Variants in DCLK1 observed in about 807,000 individuals in gnomAD.
DCLK1 encodes the protein serine/threonine-protein kinase DCLK1.
In DCLK1, 16 loss-of-function variants were observed where a neutral mutation model predicts 86.2. The ratio of observed to expected loss-of-function variants is 0.19; its 90% confidence interval spans 0.13 to 0.28. The LOEUF (loss-of-function observed/expected upper bound fraction) is 0.28. Among genes scored for constraint, DCLK1 ranks in the 10% least tolerant of loss-of-function variants. The probability of loss-of-function intolerance (pLI) is 1.00; values close to 1 mark genes in which losing one functional copy is unlikely to be tolerated. For synonymous variants in DCLK1, 369 were observed against 370.5 expected (o/e 1.00, Z 0.05); for missense variants, 590 against 940.2 (o/e 0.63, Z 4.87).
chr13:36,067,779 G>GGTA (rs1172108672), intron 3 of DCLK1, among the ~76,000 whole-genome samples: 1 of 152,032 alleles, frequency 6.6e-6, no homozygotes. Context: ...GCTTCTTGGA[G>GGTA]GTATTCCCTT....
intron 5 of DCLK1, chr13:35,869,193 T>C (rs1387612583): frequency 4.2e-6 from 2 of 473,664 alleles, no homozygotes; most frequent in Non-Finnish European, 4.2e-6. Flanking sequence ...ACAAGCTCAG[T>C]TCTTCCAGGG....
At chr13:35,914,377 A>ATATATATATATATG (rs1875280611) in intron 4 of DCLK1, among the ~76,000 whole-genome samples, 9 of 111,652 alleles carry the variant, frequency 8.1e-5, no homozygotes, top group South Asian at 2.9e-4. Context: ...ATGTATATAT[A>ATATATATATATATG]TATATATATA....
intron 11 of DCLK1, 143 bp from the exon 12 acceptor site, chr13:35,811,111 T>C: frequency 1.0e-6 from 1 of 978,920 alleles, no homozygotes; most frequent in East Asian, 2.6e-5. Flanking sequence ...TGGATATACA[T>C]ACAAAATAGC....
rs117890698 is a variant in DCLK1 at position 36,028,861 on chromosome 13, A to G, written c.724-81404T>C. Among the ~76,000 whole-genome samples, 27 of 152,360 alleles carry G rather than the reference A, an allele frequency of 1.8e-4. No homozygotes were observed. In the East Asian group the frequency reaches 3.9e-3, roughly 22 times the overall value. Reference sequence around the variant, plus strand: ...GTTAAGAGAAAATTCCATCAGTGCCATGACATTTTATAGATGACATGGCAT... The same window carrying G: ...GTTAAGAGAAAATTCCATCAGTGCCGTGACATTTTATAGATGACATGGCAT... On this transcript the variant is annotated intron_variant, in intron 3 of 16. Coordinates refer to ENST00000360631, the MANE Select transcript of DCLK1 (RefSeq NM_001330071.2).
At chr13:36,033,229 T>C (rs941351601) in intron 3 of DCLK1, among the ~76,000 whole-genome samples, 1 of 152,236 alleles carries the variant, frequency 6.6e-6, no homozygotes, top group Non-Finnish European at 1.5e-5. Context: ...AGTTTCACAT[T>C]AAGTCAGATA....
chr13:36,047,534 G>A (rs1236299799), intron 3 of DCLK1, among the ~76,000 whole-genome samples: 1 of 152,280 alleles, frequency 6.6e-6, no homozygotes, highest in East Asian at 1.9e-4. Flanking sequence ...CCTGTCATTA[G>A]CAACAACATG....
intron 3 of DCLK1, among the ~76,000 whole-genome samples, chr13:35,966,263 C>A (rs77365618): frequency 1.8e-4 from 27 of 152,130 alleles, no homozygotes; most frequent in Non-Finnish European, 3.1e-4. Context: ...AATTCCCATA[C>A]AATCCAGCAA....
intron 8 of DCLK1, among the ~76,000 whole-genome samples, chr13:35,833,736 A>G (rs1356219830): frequency 6.6e-6 from 1 of 152,220 alleles, no homozygotes; most frequent in Non-Finnish European, 1.5e-5. Flanking sequence ...AATGTGTGCC[A>G]TTCACAACAT....
At chr13:35,993,888 T>G (rs1880358438) in intron 3 of DCLK1, among the ~76,000 whole-genome samples, 1 of 152,080 alleles carries the variant, frequency 6.6e-6, no homozygotes, top group African/African-American at 2.4e-5. Context: ...GCTCCCATAT[T>G]TCATTTCCTC....
At chr13:36,019,219 A>T in intron 3 of DCLK1, among the ~76,000 whole-genome samples, 1 of 152,162 alleles carries the variant, frequency 6.6e-6, no homozygotes, top group East Asian at 1.9e-4. Flanking sequence ...TTTAGTTATT[A>T]TAGAAACTGA....
chr13:36,120,413 G>A (rs1885944891), intron 2 of DCLK1, among the ~76,000 whole-genome samples: 1 of 152,046 alleles, frequency 6.6e-6, no homozygotes, highest in Non-Finnish European at 1.5e-5. Context: ...TGTTATAATT[G>A]TCTACAGTAT....
At chr13:35,963,476 G>C (rs1338661834) in intron 3 of DCLK1, among the ~76,000 whole-genome samples, 1 of 152,146 alleles carries the variant, frequency 6.6e-6, no homozygotes, top group East Asian at 1.9e-4. Context: ...ATCAAGAATT[G>C]GCTTATGCTG....
intron 6 of DCLK1, chr13:35,847,622 AAAAAG>A: frequency 1.2e-6 from 1 of 861,032 alleles, no homozygotes; most frequent in Non-Finnish European, 1.3e-6. Context: ...TTTAAGCAAA[AAAAAG>A]AAAGAAAGAA....
intron 10 of DCLK1, among the ~76,000 whole-genome samples, chr13:35,826,696 C>A: frequency 6.6e-6 from 1 of 151,996 alleles, no homozygotes. Flanking sequence ...CTAGAATGAA[C>A]ATTTTTCATA....
chr13:36,120,024 T>C (rs746740910), intron 2 of DCLK1, among the ~76,000 whole-genome samples: 15 of 152,272 alleles, frequency 9.9e-5, no homozygotes, highest in African/African-American at 3.6e-4. Context: ...GTTAAAGAAA[T>C]GAAGCAAATA....
intron 3 of DCLK1, among the ~76,000 whole-genome samples, chr13:36,016,262 C>T (rs533209760): frequency 6.6e-6 from 1 of 152,242 alleles, no homozygotes; most frequent in South Asian, 2.1e-4. Flanking sequence ...CAAATTTAAC[C>T]TACAGTACAT....
intron 2 of DCLK1, among the ~76,000 whole-genome samples, chr13:36,117,936 A>G (rs1439382133): frequency 6.6e-6 from 1 of 152,204 alleles, no homozygotes; most frequent in Non-Finnish European, 1.5e-5. Flanking sequence ...ATGAAAGGGA[A>G]ATGGAATTCA....
intron 3 of DCLK1, among the ~76,000 whole-genome samples, chr13:36,080,246 C>T (rs182004231): frequency 5.9e-5 from 9 of 151,982 alleles, no homozygotes; most frequent in Admixed American, 4.6e-4. Context: ...AACCAGTGTT[C>T]GGGTGGAGGG....
chr13:36,061,090 T>A (rs541435565), intron 3 of DCLK1, among the ~76,000 whole-genome samples: 1 of 152,160 alleles, frequency 6.6e-6, no homozygotes, highest in South Asian at 2.1e-4. Flanking sequence ...AGAGGAAGCA[T>A]GTGGTGATGG....
Sources: gnomAD v4.1 joint callset for allele counts (sites outside exome capture counted in the v4.1 genomes callset) on GRCh38, gnomAD v4.1.1 for gene constraint, MANE v1.5 for transcripts, NCBI Gene and HGNC (gene_info 2026-07-23, HGNC 2026-07-21) for gene names.